SMC5: variants seen among roughly 807,000 people sequenced by gnomAD.
SMC5 encodes structural maintenance of chromosomes protein 5.
Under a neutral mutation model 148.3 loss-of-function variants are expected in SMC5, and 88 were observed. That is an observed-to-expected ratio of 0.59 (90% CI 0.50 to 0.71). The LOEUF (loss-of-function observed/expected upper bound fraction) is 0.71, where lower values mean the gene tolerates loss of function less well. Among genes scored for constraint, SMC5 ranks in the 30% least tolerant of loss-of-function variants. The pLI is 0.00. For synonymous variants in SMC5, 421 were observed against 432.8 expected (o/e 0.97, Z 0.34); for missense variants, 1,142 against 1,298.9 (o/e 0.88, Z 1.86).
intron 17 of SMC5, among the ~76,000 whole-genome samples, chr9:70,342,781 A>G (rs535844698): frequency 2.0e-5 from 3 of 152,214 alleles, no homozygotes; most frequent in African/African-American, 7.2e-5. Context: ...GCCCTTGTCC[A>G]TTTTACCAAC....
Position 70,315,566 on chromosome 9 carries a change from A to G in SMC5, c.1794A>G (p.Glu598=), listed in dbSNP as rs1311481400. ...EVPVGTEKTR[E]RIERVIQETR... is the part of the protein sequence containing the mutation. ...CTGTAGGAACTGAAAAGACCAGAGA[A>G]AGAATTGAACGGGTAGGAAAGTAGT... The change falls in exon 13 of 25, where the codon GAA becomes GAG. Residue 598 remains glutamate, a synonymous_variant. Coordinates refer to ENST00000361138, the MANE Select transcript of SMC5 (RefSeq NM_015110.4). 6 of 1,583,008 alleles carry G rather than the reference A, an allele frequency of 3.8e-6. No homozygotes were observed. Among genetic ancestry groups the G allele is most frequent in the South Asian group, 2.3e-5 (2 of 85,920 alleles).
At chr9:70,281,041 G>GTT in intron 6 of SMC5, 142 bp downstream of exon 6, 1 of 839,470 alleles carries the variant, frequency 1.2e-6, no homozygotes, top group South Asian at 1.8e-5. Context: ...TAAAATTCAT[G>GTT]TCTTTTTTTT....
chr9:70,317,349 T>G (rs2035830145), intron 13 of SMC5, among the ~76,000 whole-genome samples: 1 of 152,216 alleles, frequency 6.6e-6, no homozygotes, highest in Non-Finnish European at 1.5e-5. Context: ...ATTCTCCCTT[T>G]GGTTAAATTG....
intron 12 of SMC5, 37 bp downstream of exon 12, chr9:70,314,873 G>A (rs1262705075): frequency 8.7e-7 from 1 of 1,153,932 alleles, no homozygotes; most frequent in Non-Finnish European, 1.2e-6. Flanking sequence ...TTTAAATATT[G>A]AATTATTCAA....
chr9:70,335,973 A>C (rs2036345355), intron 17 of SMC5, among the ~76,000 whole-genome samples: 1 of 152,170 alleles, frequency 6.6e-6, no homozygotes, highest in African/African-American at 2.4e-5. Context: ...CTCTTTAACA[A>C]ATGTTAACCC....
chr9:70,312,528 A>T (rs1440945653), intron 11 of SMC5, among the ~76,000 whole-genome samples: 1 of 152,208 alleles, frequency 6.6e-6, no homozygotes, highest in African/African-American at 2.4e-5. Flanking sequence ...GGAGGAAAGC[A>T]CTTAATGTTT....
At chr9:70,333,413 C>T (rs929940073) in intron 17 of SMC5, among the ~76,000 whole-genome samples, 7 of 151,600 alleles carry the variant, frequency 4.6e-5, no homozygotes, top group Admixed American at 3.9e-4. Flanking sequence ...AAGGCTGCCA[C>T]GAGCTGTGAT....
intron 11 of SMC5, among the ~76,000 whole-genome samples, chr9:70,308,354 C>T (rs1256888387): frequency 6.6e-6 from 1 of 151,780 alleles, no homozygotes; most frequent in Non-Finnish European, 1.5e-5. Flanking sequence ...GCTCGTAATC[C>T]CAGCACTTTG....
At chr9:70,342,181 T>G (rs1156937618) in intron 17 of SMC5, among the ~76,000 whole-genome samples, 2 of 144,834 alleles carry the variant, frequency 1.4e-5, no homozygotes, top group African/African-American at 5.1e-5. Flanking sequence ...TAGGTAGGAA[T>G]TGAACAATGA....
In SMC5 at chr9:70,259,044, A is replaced by AACGGAAGTCGCTGTGG; in HGVS notation, c.-34_-19dup. On this transcript the variant is annotated 5_prime_UTR_variant, in exon 1 of 25. Transcript: ENST00000361138. ...GGCGCCTGGGCTGCCGGACGGTGGG[A>AACGGAAGTCGCTGTGG]ACGGAAGTCGCTGTGGGACGCTGAG... The AACGGAAGTCGCTGTGG allele has an allele frequency of 6.4e-7, 1 of 1,570,410 alleles. No homozygotes were observed. The highest frequency in any genetic ancestry group is 8.6e-7 in the Non-Finnish European group (1 of 1,157,090).
intron 17 of SMC5, among the ~76,000 whole-genome samples, chr9:70,341,114 C>T (rs1004408648): frequency 6.6e-6 from 1 of 152,128 alleles, no homozygotes; most frequent in Non-Finnish European, 1.5e-5. Flanking sequence ...TGCCTTCCCA[C>T]TTCTACCCTT....
At chr9:70,306,498 G>A (rs1213893370) in intron 11 of SMC5, among the ~76,000 whole-genome samples, 1 of 152,212 alleles carries the variant, frequency 6.6e-6, no homozygotes, top group African/African-American at 2.4e-5. Flanking sequence ...TGTTAGAGCT[G>A]TTTAAGCCTA....
intron 8 of SMC5, among the ~76,000 whole-genome samples, chr9:70,296,911 C>G (rs2035216993): frequency 1.3e-5 from 2 of 152,072 alleles, no homozygotes; most frequent in African/African-American, 4.8e-5. Flanking sequence ...GTAATTTACC[C>G]TGAATATAAG....
At chr9:70,336,125 T>A (rs2036350146) in intron 17 of SMC5, among the ~76,000 whole-genome samples, 1 of 152,188 alleles carries the variant, frequency 6.6e-6, no homozygotes, top group Non-Finnish European at 1.5e-5. Context: ...CTTAACTGCA[T>A]AAATGTATTT....
Position 70,280,651 on chromosome 9 carries a change from G to T in SMC5, c.679-108G>T, listed in dbSNP as rs557686216. The T allele has an allele frequency of 7.6e-4, 787 of 1,034,638 alleles. 3 individuals are homozygous for T. The highest frequency in any genetic ancestry group is 1.0e-3 in the Non-Finnish European group (731 of 719,074). The allele number at this position is 1,034,638 out of a possible 1,614,324, so 64.1% of individuals were successfully genotyped here. A position where few individuals can be genotyped will look rare whatever the true frequency, so the allele number is the denominator to read the frequency against. On this transcript the variant is annotated intron_variant, in intron 5 of 24. Transcript: ENST00000361138. ...CTACATAGTTCTTAAGAACTCCTGT[G>T]AATTCTTTATTGTGAAATTTTGCCA...
intron 17 of SMC5, among the ~76,000 whole-genome samples, chr9:70,330,480 C>T (rs967847088): frequency 6.6e-6 from 1 of 151,474 alleles, no homozygotes; most frequent in African/African-American, 2.4e-5. Context: ...ATAAGGAACT[C>T]TGTAGGATAA....
chr9:70,280,721 T>G (rs1190456133), intron 5 of SMC5, 38 bp from the exon 6 acceptor site: 8 of 1,565,330 alleles, frequency 5.1e-6, no homozygotes, highest in Non-Finnish European at 6.9e-6. Flanking sequence ...TTGTCATTTT[T>G]TCTGTCAAAC....
intron 2 of SMC5, among the ~76,000 whole-genome samples, chr9:70,264,673 TA>T (rs1587612734): frequency 2.0e-5 from 3 of 152,162 alleles, no homozygotes; most frequent in African/African-American, 7.2e-5. Flanking sequence ...ATGCTAGAAA[TA>T]ATGTAATATG....
intron 11 of SMC5, among the ~76,000 whole-genome samples, chr9:70,310,512 G>A (rs2035628832): frequency 6.6e-6 from 1 of 152,154 alleles, no homozygotes; most frequent in African/African-American, 2.4e-5. Flanking sequence ...TCAACTTACA[G>A]AGCACGGGCA....
Sources: gnomAD v4.1 joint callset for allele counts (sites outside exome capture counted in the v4.1 genomes callset) on GRCh38, gnomAD v4.1.1 for gene constraint, MANE v1.5 for transcripts, NCBI Gene and HGNC (gene_info 2026-07-23, HGNC 2026-07-21) for gene names.